Variants in PRKN observed in about 807,000 individuals in gnomAD.
PRKN encodes the protein E3 ubiquitin-protein ligase parkin.
Under a neutral mutation model 59.5 loss-of-function variants are expected in PRKN, and 56 were observed. That is an observed-to-expected ratio of 0.94 (90% CI 0.76 to 1.18). PRKN has a LOEUF of 1.18. Ranked by LOEUF, PRKN falls within the 50% of genes most tolerant of loss-of-function variation. PRKN has a pLI of 0.00. For missense variants in PRKN, 657 were observed against 596.4 expected (o/e 1.10, Z -1.06); for synonymous variants, 250 against 222.1 (o/e 1.13, Z -1.12).
chr6:162,146,182 C>A (rs576149510), intron 4 of PRKN, among the ~76,000 whole-genome samples: 2 of 152,106 alleles, frequency 1.3e-5, no homozygotes, highest in Non-Finnish European at 2.9e-5. Context: ...ATAGCACCCA[C>A]GTAGCCATCC....
At chr6:161,809,664 C>A (rs1241581294) in intron 6 of PRKN, among the ~76,000 whole-genome samples, 3 of 152,080 alleles carry the variant, frequency 2.0e-5, no homozygotes, top group Non-Finnish European at 4.4e-5. Context: ...TAAATCATTC[C>A]ATTTTGGTGA....
intron 7 of PRKN, among the ~76,000 whole-genome samples, chr6:161,623,501 A>C (rs1034926368): frequency 2.0e-5 from 3 of 152,224 alleles, no homozygotes; most frequent in Non-Finnish European, 4.4e-5. Flanking sequence ...GCAAATATAG[A>C]CCAGTAAGGG....
intron 7 of PRKN, among the ~76,000 whole-genome samples, chr6:161,731,608 A>G (rs1787714914): frequency 6.6e-6 from 1 of 152,196 alleles, no homozygotes; most frequent in South Asian, 2.1e-4. Flanking sequence ...AGGCTTTTGG[A>G]AATATAAAAC....
At chr6:162,282,897 T>C (rs531469184) in intron 2 of PRKN, among the ~76,000 whole-genome samples, 2 of 152,296 alleles carry the variant, frequency 1.3e-5, no homozygotes, top group African/African-American at 2.4e-5. Context: ...TAAGCACACA[T>C]TACTTTGATA....
chr6:162,344,047 C>T (rs1784297078), intron 2 of PRKN, among the ~76,000 whole-genome samples: 1 of 152,162 alleles, frequency 6.6e-6, no homozygotes, highest in Non-Finnish European at 1.5e-5. Flanking sequence ...CCAGTTCAGC[C>T]ATCTGCTGTT....
chr6:161,522,049 G>T (rs775813437), intron 9 of PRKN, among the ~76,000 whole-genome samples: 7 of 152,092 alleles, frequency 4.6e-5, no homozygotes, highest in Non-Finnish European at 7.3e-5. Context: ...GGATGTGGAC[G>T]GCGAATATTG....
intron 1 of PRKN, among the ~76,000 whole-genome samples, chr6:162,628,209 A>G (rs1049280196): frequency 1.3e-5 from 2 of 152,182 alleles, no homozygotes; most frequent in African/African-American, 4.8e-5. Flanking sequence ...ACGCAGAGGA[A>G]ACAAGGACAG....
chr6:161,512,771 C>A (rs1235613631), intron 9 of PRKN, among the ~76,000 whole-genome samples: 1 of 152,186 alleles, frequency 6.6e-6, no homozygotes, highest in African/African-American at 2.4e-5. Flanking sequence ...TCTTACTTGC[C>A]GTCCTCCTGG....
intron 6 of PRKN, among the ~76,000 whole-genome samples, chr6:161,819,316 C>A (rs9458390): frequency 0.044 from 6,758 of 151,970 alleles, 520 homozygotes; most frequent in African/African-American, 0.16. Flanking sequence ...CATGGTGAAA[C>A]CCTATCTCTA....
chr6:161,571,574 T>A (rs1396891952), intron 7 of PRKN, among the ~76,000 whole-genome samples: 1 of 152,222 alleles, frequency 6.6e-6, no homozygotes, highest in Non-Finnish European at 1.5e-5. Context: ...GAAAATGGAA[T>A]AAACTGCCTT....
intron 7 of PRKN, among the ~76,000 whole-genome samples, chr6:161,777,653 T>C (rs1789982738): frequency 7.4e-6 from 1 of 134,242 alleles, no homozygotes; most frequent in Non-Finnish European, 1.6e-5. Flanking sequence ...TTCTCATATA[T>C]ATATATTATA....
At chr6:162,136,171 T>C (rs1470631170) in intron 4 of PRKN, among the ~76,000 whole-genome samples, 2 of 151,098 alleles carry the variant, frequency 1.3e-5, no homozygotes, top group Non-Finnish European at 3.0e-5. Context: ...TTCTATAATA[T>C]AGAAATTGTA....
chr6:161,673,645 A>C (rs1398983273), intron 7 of PRKN, among the ~76,000 whole-genome samples: 2 of 152,152 alleles, frequency 1.3e-5, no homozygotes, highest in African/African-American at 4.8e-5. Flanking sequence ...CTGGAAGGAG[A>C]AGCAGCAGAG....
At chr6:162,168,220 G>A (rs1783077517) in intron 4 of PRKN, among the ~76,000 whole-genome samples, 1 of 152,042 alleles carries the variant, frequency 6.6e-6, no homozygotes, top group South Asian at 2.1e-4. Flanking sequence ...TCTCTGAGTA[G>A]CTGCATAAAC....
At chr6:162,071,329 G>A (rs1293435765) in intron 4 of PRKN, among the ~76,000 whole-genome samples, 2 of 151,476 alleles carry the variant, frequency 1.3e-5, no homozygotes, top group Non-Finnish European at 2.9e-5. Context: ...TTCTGACAAT[G>A]TGGCCCATTT....
At position 162,529,960 on chromosome 6, in the gene PRKN, G is replaced by A. The variant is rs143449568; in HGVS notation, c.8-86487C>T. Among the ~76,000 whole-genome samples, 325 of 151,966 alleles carry A rather than the reference G, an allele frequency of 2.1e-3. 3 individuals carry two copies. Among genetic ancestry groups the A allele is most frequent in the African/African-American group, 7.4e-3 (305 of 41,444 alleles). On this transcript the variant is annotated intron_variant, in intron 1 of 11. Transcript: ENST00000366898. ...TCCTTACCAACATGGAGAAACCCCC[G>A]TCTCTACTACAAATACAAAATTAGC...
rs1786483938 is a variant in PRKN at position 161,391,077 on chromosome 6, C to T, written c.1084-4200G>A. ...TTCGGGCCAGTTTGCAAACACTTCC[C>T]ATGGCATAGCTGTTTCTAGAGAAAA... On this transcript the variant is annotated intron_variant, in intron 9 of 11. Coordinates refer to ENST00000366898, the MANE Select transcript of PRKN (RefSeq NM_004562.3). The surrounding 1 kb of genome is among the most constrained non-coding windows in gnomAD (Gnocchi z 4.9). Among the ~76,000 whole-genome samples the T allele has an allele frequency of 6.6e-6, 1 of 152,088 alleles. No homozygotes were observed. The highest frequency in any genetic ancestry group is 1.5e-5 in the Non-Finnish European group (1 of 68,028).
chr6:161,484,666 C>A lies in PRKN; in HGVS notation c.1083+64188G>T, dbSNP rs1791570255. ...TCTCAGCACTACTGAAGTTTGAGAC[C>A]AGGCCATTCTCACGGGCCCGTTGTG... is the stretch of plus-strand genomic sequence containing the variant. On this transcript the variant is annotated intron_variant, in intron 9 of 11. Coordinates refer to ENST00000366898, the MANE Select transcript of PRKN (RefSeq NM_004562.3). The surrounding 1 kb of genome is among the most constrained non-coding windows in gnomAD (Gnocchi z 4.9). 6.6e-6 allele frequency among the ~76,000 whole-genome samples: 1 copy of A among 152,088 alleles called. No individual in the cohort carries two copies. The highest frequency in any genetic ancestry group is 1.5e-5 in the Non-Finnish European group (1 of 68,026).
intron 1 of PRKN, among the ~76,000 whole-genome samples, chr6:162,589,567 G>GT (rs1781216398): frequency 6.7e-6 from 1 of 149,610 alleles, no homozygotes. Flanking sequence ...TTTAATATGT[G>GT]TTTTTTCTGT....
Sources: gnomAD v4.1 joint callset for allele counts (sites outside exome capture counted in the v4.1 genomes callset) on GRCh38, gnomAD v4.1.1 for gene constraint, Gnocchi (gnomAD v3.1) non-coding constraint, MANE v1.5 for transcripts, NCBI Gene and HGNC (gene_info 2026-07-23, HGNC 2026-07-21) for gene names.